The following TEAD1 variants were observed in gnomAD, a reference collection of about 807,000 sequenced individuals.
The protein encoded by TEAD1 is TEA domain transcription factor 1, also known as transcriptional enhancer factor TEF-1.
Under a neutral mutation model 54.9 loss-of-function variants are expected in TEAD1, and 9 were observed. The ratio of observed to expected loss-of-function variants is 0.16; its 90% CI spans 0.10 to 0.29. TEAD1 has a LOEUF of 0.29. TEAD1 is among the 10% of genes least tolerant of loss of function. The pLI, the probability that TEAD1 is intolerant of heterozygous loss-of-function variation, is 1.00. For synonymous variants in TEAD1, 200 were observed against 187.8 expected (o/e 1.07, Z -0.53); for missense variants, 387 against 535.9 (o/e 0.72, Z 2.74).
chr11:12,732,462 G>C (rs559959411), intron 2 of TEAD1, among the ~76,000 whole-genome samples: 2 of 152,186 alleles, frequency 1.3e-5, no homozygotes, highest in African/African-American at 4.8e-5. Context: ...GGGCTTGGTG[G>C]TGGTGGGTAT....
In TEAD1 at chr11:12,943,732, A is replaced by C. The variant is rs767836050; in HGVS notation, c.*6510A>C. On this transcript the variant is annotated 3_prime_UTR_variant, in exon 13 of 13. Coordinates refer to ENST00000527636, the MANE Select transcript of TEAD1 (RefSeq NM_021961.6). Reference sequence around the variant, plus strand: ...GGCTGACAGATCTAGGTGTCAATCAATTGGAAACCAGTCTCTGATTTTTTT... The same window carrying C: ...GGCTGACAGATCTAGGTGTCAATCACTTGGAAACCAGTCTCTGATTTTTTT... 6.6e-6 allele frequency: 1 copy of C among 152,032 alleles called. No individual in the cohort carries two copies. Among genetic ancestry groups the C allele is most frequent in the African/African-American group, 2.4e-5 (1 of 41,390 alleles). 9.4% of individuals were successfully genotyped at this position (152,032 alleles called of 1,614,324 possible). A position where few individuals can be genotyped will look rare whatever the true frequency, so the allele number is the denominator to read the frequency against.
At chr11:12,860,006 C>T (rs535789077) in intron 3 of TEAD1, among the ~76,000 whole-genome samples, 1 of 152,226 alleles carries the variant, frequency 6.6e-6, no homozygotes, top group South Asian at 2.1e-4. Flanking sequence ...GGAGCACTGC[C>T]ACAGTTCTGG....
chr11:12,827,012 C>G (rs1162565103), intron 3 of TEAD1, among the ~76,000 whole-genome samples: 1 of 152,230 alleles, frequency 6.6e-6, no homozygotes, highest in East Asian at 1.9e-4. Flanking sequence ...TTCCTCTCAA[C>G]TCTCTGTCTC....
chr11:12,804,079 A>AT (rs1293195967), intron 3 of TEAD1, among the ~76,000 whole-genome samples: 25 of 152,238 alleles, frequency 1.6e-4, no homozygotes, highest in Non-Finnish European at 2.6e-4. Flanking sequence ...GTAGAATTTA[A>AT]TTTTGAGGCA....
rs1590010321 is a variant in TEAD1, at chr11:12,941,115, T to A, written c.*3893T>A. The A allele has an allele frequency of 1.3e-5, 2 of 152,238 alleles. No homozygotes were observed. 9.4% of individuals were successfully genotyped at this position (152,238 alleles called of 1,614,324 possible). ...GCTGCTGTTCTTAGGTGCTCTAAGC[T>A]TAATCCCTCAGAATGTGTGGACAGG... On this transcript the variant is annotated 3_prime_UTR_variant, in exon 13 of 13. Transcript: ENST00000527636.
intron 3 of TEAD1, among the ~76,000 whole-genome samples, chr11:12,815,128 T>G (rs889934203): frequency 6.6e-6 from 1 of 152,158 alleles, no homozygotes; most frequent in African/African-American, 2.4e-5. Context: ...GGTTTCATTC[T>G]GTGGGTTCCA....
At chr11:12,904,075 A>G (rs1948471243) in intron 10 of TEAD1, among the ~76,000 whole-genome samples, 3 of 152,214 alleles carry the variant, frequency 2.0e-5, no homozygotes, top group South Asian at 2.1e-4. Context: ...TATTTTTGTT[A>G]TAATACAAAG....
intron 4 of TEAD1, among the ~76,000 whole-genome samples, chr11:12,863,794 A>C (rs1364770357): frequency 2.0e-5 from 3 of 152,114 alleles, no homozygotes; most frequent in Non-Finnish European, 2.9e-5. Flanking sequence ...GTCCCACTGA[A>C]AGAGATGCAG....
chr11:12,789,559 T>G (rs1945751529), intron 3 of TEAD1, among the ~76,000 whole-genome samples: 1 of 152,200 alleles, frequency 6.6e-6, no homozygotes, highest in Non-Finnish European at 1.5e-5. Context: ...AGAAAGAGTT[T>G]GGCTCAGAGA....
chr11:12,822,216 C>T (rs1946567133), intron 3 of TEAD1, among the ~76,000 whole-genome samples: 1 of 152,116 alleles, frequency 6.6e-6, no homozygotes, highest in Non-Finnish European at 1.5e-5. Flanking sequence ...CCCGCCTCGG[C>T]CTCCCGAAGT....
At chr11:12,894,664 G>A (rs573383523) in intron 9 of TEAD1, among the ~76,000 whole-genome samples, 33 of 152,304 alleles carry the variant, frequency 2.2e-4, no homozygotes, top group East Asian at 3.9e-4. Context: ...CCCTAGCACC[G>A]ATGGTAACAT....
intron 2 of TEAD1, among the ~76,000 whole-genome samples, chr11:12,745,551 C>T (rs1944730107): frequency 6.7e-6 from 1 of 148,562 alleles, no homozygotes; most frequent in Non-Finnish European, 1.5e-5. Flanking sequence ...ATGTCAACTG[C>T]TGGTCTGGCT....
At chr11:12,812,414 G>A (rs758154671) in intron 3 of TEAD1, among the ~76,000 whole-genome samples, 5 of 152,136 alleles carry the variant, frequency 3.3e-5, no homozygotes, top group Admixed American at 6.5e-5. Context: ...CTATTTGCTG[G>A]TCACTGGAGA....
At chr11:12,675,321 G>T (rs952382396) in intron 1 of TEAD1, 88 bp from the exon 2 acceptor site, 1 of 152,310 alleles carries the variant, frequency 6.6e-6, no homozygotes, top group East Asian at 1.9e-4. Context: ...GCCGGCCCGG[G>T]TCTGCGCAGA....
At chr11:12,713,312 G>A (rs995568361) in intron 2 of TEAD1, among the ~76,000 whole-genome samples, 22 of 152,194 alleles carry the variant, frequency 1.4e-4, no homozygotes, top group African/African-American at 5.1e-4. Flanking sequence ...GAGCCATTGT[G>A]CCTGTCCTGG....
intron 2 of TEAD1, among the ~76,000 whole-genome samples, chr11:12,702,979 C>T (rs1441151211): frequency 6.6e-6 from 1 of 152,190 alleles, no homozygotes; most frequent in Non-Finnish European, 1.5e-5. Flanking sequence ...TCCAAAACTG[C>T]ACAGTTCTTA....
chr11:12,779,985 C>T (rs866720796), intron 3 of TEAD1, among the ~76,000 whole-genome samples: 3 of 152,172 alleles, frequency 2.0e-5, no homozygotes, highest in Non-Finnish European at 4.4e-5. Context: ...TGAATGCTTT[C>T]CTTCTAAGAT....
chr11:12,882,875 A>G, intron 8 of TEAD1, 126 bp from the exon 9 acceptor site: 1 of 1,427,622 alleles, frequency 7.0e-7, no homozygotes, highest in Non-Finnish European at 9.8e-7. Context: ...TATCCTGGCC[A>G]GAGCCGGTGG....
At chr11:12,774,779 C>T (rs1945385234) in intron 3 of TEAD1, among the ~76,000 whole-genome samples, 1 of 151,942 alleles carries the variant, frequency 6.6e-6, no homozygotes, top group African/African-American at 2.4e-5. Flanking sequence ...AAACAGAAAA[C>T]CAAATATCGC....
Sources: gnomAD v4.1 joint callset for allele counts (sites outside exome capture counted in the v4.1 genomes callset) on GRCh38, gnomAD v4.1.1 for gene constraint, MANE v1.5 for transcripts, NCBI Gene and HGNC (gene_info 2026-07-23, HGNC 2026-07-21) for gene names.